TTLL9: variants seen among roughly 807,000 people sequenced by gnomAD.
TTLL9 encodes the protein tubulin tyrosine ligase like 9, also known as probable tubulin polyglutamylase TTLL9.
A neutral mutation model predicts 65.6 loss-of-function variants in TTLL9; 47 were observed. The ratio of observed to expected loss-of-function variants is 0.72; its 90% confidence interval spans 0.57 to 0.91. The LOEUF (loss-of-function observed/expected upper bound fraction) is 0.91, where lower values mean the gene tolerates loss of function less well. Ranked by LOEUF, TTLL9 falls within the 40% of genes least tolerant of loss-of-function variation. TTLL9 has a pLI of 0.00. For synonymous variants in TTLL9, 179 were observed against 204.8 expected (o/e 0.87, Z 1.07); for missense variants, 537 against 568.8 (o/e 0.94, Z 0.57).
At chr20:31,871,028 T>G in intron 1 of TTLL9, 79 bp downstream of exon 1, 1 of 1,201,906 alleles carries the variant, frequency 8.3e-7, no homozygotes, top group Non-Finnish European at 1.2e-6. Context: ...TTCCCATCCA[T>G]TCTCCCACCC....
At chr20:31,930,218 A>G (rs1205238983) in intron 10 of TTLL9, among the ~76,000 whole-genome samples, 2 of 152,144 alleles carry the variant, frequency 1.3e-5, no homozygotes, top group African/African-American at 4.8e-5. Context: ...CAATTGTTTT[A>G]AACAGCCATT....
intron 3 of TTLL9, among the ~76,000 whole-genome samples, chr20:31,898,073 A>G (rs970169681): frequency 2.6e-5 from 4 of 152,010 alleles, no homozygotes; most frequent in Admixed American, 6.6e-5. Context: ...TCAGTCTTAT[A>G]TTTGTTTTAT....
At position 31,908,571 on chromosome 20, in the gene TTLL9, C is replaced by T. The variant is rs1047733879; in HGVS notation, c.207-20C>T. The T allele has an allele frequency of 2.3e-5, 37 of 1,585,982 alleles. 1 individual carries two copies. Among genetic ancestry groups the T allele is most frequent in the African/African-American group, 1.1e-4 (8 of 74,352 alleles). On this transcript the variant is annotated intron_variant, in intron 4 of 14. Transcript: ENST00000535842. ...GTCCTCAGACCATGACCTTTATCCC[C>T]GCCCCCACCCCACCCCCAGCGAAGG...
chr20:31,917,347 C>T (rs936718187), intron 6 of TTLL9, among the ~76,000 whole-genome samples: 1 of 152,196 alleles, frequency 6.6e-6, no homozygotes, highest in African/African-American at 2.4e-5. Context: ...TCTCCCTTGA[C>T]ATGTTTTGCA....
chr20:31,906,694 C>T (rs1048487198), intron 4 of TTLL9, among the ~76,000 whole-genome samples: 6 of 151,956 alleles, frequency 3.9e-5, no homozygotes, highest in Non-Finnish European at 7.4e-5. Flanking sequence ...CTGTCACACA[C>T]GCTGGAGTGC....
chr20:31,914,047 A>G (rs544023257), intron 6 of TTLL9, among the ~76,000 whole-genome samples: 1 of 152,236 alleles, frequency 6.6e-6, no homozygotes, highest in South Asian at 2.1e-4. Context: ...CTGGTCTAAC[A>G]CTTCACACAC....
chr20:31,877,736 T>G (rs1229848908), intron 2 of TTLL9, among the ~76,000 whole-genome samples: 1 of 152,180 alleles, frequency 6.6e-6, no homozygotes, highest in Non-Finnish European at 1.5e-5. Flanking sequence ...CTGTGTCTGT[T>G]TTGAAGCTCT....
chr20:31,919,735 T>C, intron 6 of TTLL9, 129 bp from the exon 7 acceptor site: 1 of 660,780 alleles, frequency 1.5e-6, no homozygotes, highest in East Asian at 3.3e-5. Flanking sequence ...CAGCTAGCCT[T>C]CCTCTGGGGA....
intron 2 of TTLL9, among the ~76,000 whole-genome samples, chr20:31,885,480 A>G (rs572151541): frequency 7.2e-5 from 11 of 152,346 alleles, no homozygotes; most frequent in Admixed American, 6.5e-4. Context: ...CTGGATAAAC[A>G]TATGGAAAAT....
At position 31,944,732 on chromosome 20, in the gene TTLL9, T is replaced by TAAGA. The variant is rs1468737788; in HGVS notation, c.*1713_*1716dup. On this transcript the variant is annotated 3_prime_UTR_variant, in exon 15 of 15. Transcript: ENST00000535842. ...ATGTCTAGCTTCTCTTGAAAACACG[T>TAAGA]AAGAACTGGCCATGACAGCCTGTGT... 1 of 152,304 alleles carries TAAGA rather than the reference T, an allele frequency of 6.6e-6. No individual in the cohort carries two copies. The highest frequency in any genetic ancestry group is 1.9e-4 in the East Asian group (1 of 5,184). The allele number at this position is 152,304 out of a possible 1,614,324, so 9.4% of individuals were successfully genotyped here.
chr20:31,884,940 G>T (rs985890611), intron 2 of TTLL9, among the ~76,000 whole-genome samples: 1 of 151,998 alleles, frequency 6.6e-6, no homozygotes, highest in Non-Finnish European at 1.5e-5. Flanking sequence ...GGTAGAAAAC[G>T]AAATTTAAAA....
At chr20:31,872,705 TAAC>T (rs2062955430) in intron 2 of TTLL9, among the ~76,000 whole-genome samples, 1 of 151,622 alleles carries the variant, frequency 6.6e-6, no homozygotes, top group Admixed American at 6.6e-5. Flanking sequence ...AAATAAAAAA[TAAC>T]ACACACGAAA....
intron 2 of TTLL9, among the ~76,000 whole-genome samples, chr20:31,885,081 A>G (rs1403786612): frequency 1.3e-5 from 2 of 152,244 alleles, no homozygotes; most frequent in African/African-American, 2.4e-5. Context: ...TGGAGAGACC[A>G]TATTATTCAT....
At chr20:31,878,662 AT>A (rs1457947857) in intron 2 of TTLL9, among the ~76,000 whole-genome samples, 9 of 152,102 alleles carry the variant, frequency 5.9e-5, no homozygotes, top group Non-Finnish European at 7.4e-5. Flanking sequence ...TTCCTTCCCC[AT>A]TTTTTAATTC....
chr20:31,904,549 A>G (rs9967912), intron 4 of TTLL9, among the ~76,000 whole-genome samples: 80,146 of 151,196 alleles, frequency 0.53, 21,887 homozygotes, highest in Non-Finnish European at 0.59. Context: ...GTAGAGATGA[A>G]GTTTAACCAC....
chr20:31,903,964 T>G (rs1200244140), intron 4 of TTLL9, among the ~76,000 whole-genome samples: 1 of 152,278 alleles, frequency 6.6e-6, no homozygotes, highest in Non-Finnish European at 1.5e-5. Context: ...CTTTTTTACC[T>G]CAAATATATT....
At position 31,925,822 on chromosome 20, in the gene TTLL9, C is replaced by T. The variant is rs116316091; in HGVS notation, c.706-227C>T. On this transcript the variant is annotated intron_variant, in intron 9 of 14. Transcript: ENST00000535842. Reference sequence around the variant, plus strand: ...CAAGAGCTAGGCGGTGTGAGAGTGCCTGTATATATTCCCTTTCCCTTCTCT... The same window carrying T: ...CAAGAGCTAGGCGGTGTGAGAGTGCTTGTATATATTCCCTTTCCCTTCTCT... 1.2e-3 allele frequency: 1,733 copies of T among 1,490,264 alleles called. 15 individuals are homozygous for T. The African/African-American group carries it at 0.021, about 18-fold the overall frequency. 92.3% of individuals were successfully genotyped at this position (1,490,264 alleles called of 1,614,324 possible). A position where few individuals can be genotyped will look rare whatever the true frequency, so the allele number is the denominator to read the frequency against.
At chr20:31,871,220 G>C in intron 2 of TTLL9, 25 bp downstream of exon 2, 1 of 1,611,728 alleles carries the variant, frequency 6.2e-7, no homozygotes, top group South Asian at 1.1e-5. Flanking sequence ...AGGGGTTTGA[G>C]GGAGGGTTCC....
intron 13 of TTLL9, chr20:31,938,255 C>G (rs200475377): frequency 1.0e-4 from 46 of 456,154 alleles, no homozygotes; most frequent in Non-Finnish European, 1.3e-5. Context: ...TGTGACTCTG[C>G]TTGACCAGGT....
Sources: gnomAD v4.1 joint callset for allele counts (sites outside exome capture counted in the v4.1 genomes callset) on GRCh38, gnomAD v4.1.1 for gene constraint, MANE v1.5 for transcripts, NCBI Gene and HGNC (gene_info 2026-07-23, HGNC 2026-07-21) for gene names.